Variants in SLC7A14 observed in about 807,000 individuals in gnomAD.
SLC7A14 encodes gamma-aminobutyric acid transporter SLC7A14.
A neutral mutation model predicts 60.2 loss-of-function variants in SLC7A14; 37 were observed. The observed-to-expected ratio is 0.61, with a 90% confidence interval of 0.47 to 0.81. The LOEUF (loss-of-function observed/expected upper bound fraction) is 0.81. SLC7A14 is among the 30% of genes least tolerant of loss of function. The probability of loss-of-function intolerance (pLI) is 0.00; values close to 1 mark genes in which losing one functional copy is unlikely to be tolerated. For synonymous variants in SLC7A14, 399 were observed against 395.8 expected (o/e 1.01, Z -0.10); for missense variants, 886 against 982.7 (o/e 0.90, Z 1.32).
intron 1 of SLC7A14, among the ~76,000 whole-genome samples, chr3:170,529,416 T>C (rs376036228): frequency 5.9e-5 from 9 of 152,258 alleles, no homozygotes; most frequent in African/African-American, 1.9e-4. Flanking sequence ...GTGGCTTCAG[T>C]GTTTTTATTC....
At chr3:170,570,266 C>A (rs946137474) in intron 1 of SLC7A14, 3 of 152,260 alleles carry the variant, frequency 2.0e-5, no homozygotes, top group Non-Finnish European at 4.4e-5. Flanking sequence ...GGCAACATGG[C>A]AAAACCCTGT....
chr3:170,507,076 G>A (rs962828978), intron 2 of SLC7A14, among the ~76,000 whole-genome samples: 7 of 152,006 alleles, frequency 4.6e-5, no homozygotes, highest in African/African-American at 1.4e-4. Flanking sequence ...TAAATCTAGG[G>A]GTTATTCACA....
chr3:170,498,707 T>A lies in SLC7A14; in HGVS notation c.719A>T (p.Tyr240Phe). 6.2e-7 allele frequency: 1 copy of A among 1,614,174 alleles called. No homozygotes were observed. The highest frequency in any genetic ancestry group is 1.1e-5 in the South Asian group (1 of 91,084). Residue 240 changes from tyrosine (Y) to phenylalanine (F), a missense_variant, in exon 4 of 8, where the codon TAC becomes TTC. Tyr to Phe is a conservative substitution (Grantham distance 22). Coordinates refer to ENST00000231706, the MANE Select transcript of SLC7A14 (RefSeq NM_020949.3). ...IAGLFFINGK[Y>F]WAEGQFLPHG... ...GGGCAAGAACTGGCCCTCCGCCCAG[T>A]ATTTCCCATTGATGAAGAAGAGGCC...
At chr3:170,478,945 A>G (rs1711721084) in intron 7 of SLC7A14, among the ~76,000 whole-genome samples, 1 of 152,100 alleles carries the variant, frequency 6.6e-6, no homozygotes, top group African/African-American at 2.4e-5. Context: ...AACATGGTGA[A>G]ACCCTATCTC....
At chr3:170,469,334 C>T (rs560665253) in intron 7 of SLC7A14, among the ~76,000 whole-genome samples, 1 of 152,292 alleles carries the variant, frequency 6.6e-6, no homozygotes, top group Admixed American at 6.5e-5. Flanking sequence ...CCCCTCCCTC[C>T]CACACTCCCC....
intron 1 of SLC7A14, among the ~76,000 whole-genome samples, chr3:170,575,672 A>G (rs1489291954): frequency 6.6e-6 from 1 of 152,204 alleles, no homozygotes; most frequent in African/African-American, 2.4e-5. Context: ...AACTGAGAGG[A>G]GGGACTAGGT....
chr3:170,496,399 GC>G, intron 4 of SLC7A14: 1 of 1,423,266 alleles, frequency 7.0e-7, no homozygotes, highest in Non-Finnish European at 9.9e-7. Flanking sequence ...GAGATTGAGG[GC>G]CTCAAAGGCC....
At chr3:170,579,419 T>C (rs1270848669) in intron 1 of SLC7A14, among the ~76,000 whole-genome samples, 3 of 152,270 alleles carry the variant, frequency 2.0e-5, no homozygotes, top group Non-Finnish European at 4.4e-5. Flanking sequence ...CTGATTATTT[T>C]TCAAAAACAT....
chr3:170,480,329 G>A lies in SLC7A14; in HGVS notation c.1953C>T (p.Ser651=), dbSNP rs1711766537. 3 of 1,560,904 alleles carry A rather than the reference G, an allele frequency of 1.9e-6. No homozygotes were observed. The highest frequency in any genetic ancestry group is 2.6e-6 in the Non-Finnish European group (3 of 1,153,462). The stretch of plus-strand genomic sequence containing the variant: ...CCGCAAACCGGATCCATGTGATGGT[G>A]GAGAGCTTTAGCATGAGATAGATGT... ...LVNIYLMLKL[S]TITWIRFAVW... The change falls in exon 7 of 8, where the codon TCC becomes TCT. Residue 651 remains serine (S), a synonymous_variant. Coordinates refer to ENST00000231706, the MANE Select transcript of SLC7A14 (RefSeq NM_020949.3).
intron 1 of SLC7A14, among the ~76,000 whole-genome samples, chr3:170,553,029 A>G (rs997267661): frequency 3.9e-5 from 6 of 152,186 alleles, no homozygotes; most frequent in African/African-American, 1.4e-4. Context: ...AGCTCCTGCA[A>G]AAGCCTTGCT....
intron 7 of SLC7A14, among the ~76,000 whole-genome samples, chr3:170,475,680 T>C (rs1711590148): frequency 2.0e-5 from 3 of 152,168 alleles, no homozygotes; most frequent in African/African-American, 7.2e-5. Context: ...TCAGAGATTC[T>C]GATTCAGTAG....
At chr3:170,520,816 T>A (rs1465127224) in intron 2 of SLC7A14, among the ~76,000 whole-genome samples, 1 of 152,200 alleles carries the variant, frequency 6.6e-6, no homozygotes. Flanking sequence ...TTAATCTGCC[T>A]CTCTTCCACT....
At chr3:170,487,012 A>G (rs1348528884) in intron 4 of SLC7A14, among the ~76,000 whole-genome samples, 2 of 150,914 alleles carry the variant, frequency 1.3e-5, no homozygotes, top group Non-Finnish European at 2.9e-5. Context: ...CTAAAATGAT[A>G]TAAAAGATTT....
At chr3:170,499,002 C>T (rs940624262) in intron 3 of SLC7A14, 118 bp from the exon 4 acceptor site, 22 of 866,968 alleles carry the variant, frequency 2.5e-5, no homozygotes, top group African/African-American at 3.4e-5. Flanking sequence ...ACTGGGAGGC[C>T]GAGGCAGGCA....
chr3:170,543,365 C>T (rs1714078728), intron 1 of SLC7A14, among the ~76,000 whole-genome samples: 1 of 152,124 alleles, frequency 6.6e-6, no homozygotes, highest in Non-Finnish European at 1.5e-5. Context: ...GAAGCACAGT[C>T]TCCACCGGGT....
chr3:170,512,579 C>G (rs1006130943), intron 2 of SLC7A14, among the ~76,000 whole-genome samples: 1 of 151,462 alleles, frequency 6.6e-6, no homozygotes, highest in African/African-American at 2.4e-5. Context: ...CTTCTCCTCT[C>G]CCCTTTTCTA....
chr3:170,537,479 G>C (rs928891234), intron 1 of SLC7A14, among the ~76,000 whole-genome samples: 3 of 152,022 alleles, frequency 2.0e-5, no homozygotes, highest in Non-Finnish European at 4.4e-5. Flanking sequence ...GACATCTCTG[G>C]GGAACATTAT....
At chr3:170,568,579 G>A (rs984572845) in intron 1 of SLC7A14, among the ~76,000 whole-genome samples, 39 of 152,270 alleles carry the variant, frequency 2.6e-4, no homozygotes, top group African/African-American at 9.4e-4. Flanking sequence ...GGATGGCATT[G>A]AATCTATAAA....
At chr3:170,538,025 A>G (rs759953953) in intron 1 of SLC7A14, among the ~76,000 whole-genome samples, 4 of 152,210 alleles carry the variant, frequency 2.6e-5, no homozygotes, top group African/African-American at 4.8e-5. Context: ...TTTGGCCTCA[A>G]TAGGAATTTC....
Sources: gnomAD v4.1 joint callset for allele counts (sites outside exome capture counted in the v4.1 genomes callset) on GRCh38, gnomAD v4.1.1 for gene constraint, MANE v1.5 for transcripts, NCBI Gene and HGNC (gene_info 2026-07-23, HGNC 2026-07-21) for gene names.